The following TTC7A variants were observed in gnomAD, a reference collection of about 807,000 sequenced individuals.
TTC7A encodes tetratricopeptide repeat protein 7A.
In TTC7A, 110 loss-of-function variants were observed where a neutral mutation model predicts 103.7. The ratio of observed to expected loss-of-function variants is 1.06; its 90% CI spans 0.91 to 1.24. The LOEUF (loss-of-function observed/expected upper bound fraction) is 1.24. Among genes scored for constraint, TTC7A ranks in the 50% most tolerant of loss-of-function variants. The pLI is 0.00. For missense variants in TTC7A, 1,340 were observed against 1,116.3 expected, an observed-to-expected ratio of 1.20 and a Z score of -2.86; for synonymous variants, 521 against 467.9, an observed-to-expected ratio of 1.11 and a Z score of -1.47.
intron 2 of TTC7A, among the ~76,000 whole-genome samples, chr2:46,928,459 TAAAAAAAAA>T (rs35897582): frequency 1.5e-4 from 12 of 81,976 alleles, no homozygotes; most frequent in East Asian, 3.9e-4. Flanking sequence ...AAAGGGAAAT[TAAAAAAAAA>T]AAAAAAAAAA....
intron 2 of TTC7A, among the ~76,000 whole-genome samples, chr2:46,922,320 C>T (rs1043814928): frequency 2.0e-5 from 3 of 152,066 alleles, no homozygotes; most frequent in African/African-American, 7.2e-5. Context: ...TTTTTGATGA[C>T]GAGTTCATTT....
intron 12 of TTC7A, among the ~76,000 whole-genome samples, chr2:47,022,451 A>G (rs1679394769): frequency 6.6e-6 from 1 of 152,294 alleles, no homozygotes; most frequent in East Asian, 1.9e-4. Context: ...GCAGGTGCTT[A>G]GTAACTACTT....
intron 19 of TTC7A, among the ~76,000 whole-genome samples, chr2:47,065,075 C>T (rs934324081): frequency 1.3e-5 from 2 of 152,160 alleles, no homozygotes; most frequent in Non-Finnish European, 2.9e-5. Flanking sequence ...ATCACGAGGT[C>T]AGGAGATCGA....
chr2:47,023,306 G>T, intron 12 of TTC7A, 102 bp from the exon 13 acceptor site: 1 of 1,250,606 alleles, frequency 8.0e-7, no homozygotes, highest in East Asian at 2.4e-5. Context: ...GACCCTGGTG[G>T]GGCCTTTATC....
intron 19 of TTC7A, among the ~76,000 whole-genome samples, chr2:47,072,284 T>C (rs569478219): frequency 4.6e-5 from 7 of 152,206 alleles, no homozygotes; most frequent in Admixed American, 1.3e-4. Context: ...CTCATCCGTG[T>C]GTGTGGTTCC....
intron 3 of TTC7A, among the ~76,000 whole-genome samples, chr2:46,965,537 G>A (rs893198914): frequency 1.3e-5 from 2 of 151,638 alleles, no homozygotes; most frequent in Non-Finnish European, 2.9e-5. Context: ...GAGGGGTCTT[G>A]GAATTAATCC....
chr2:47,029,438 A>G (rs1384500800), intron 15 of TTC7A, 54 bp downstream of exon 15: 5 of 1,599,280 alleles, frequency 3.1e-6, no homozygotes, highest in South Asian at 1.1e-5. Context: ...CCTCTGCAGC[A>G]GGCGCCCATG....
At chr2:47,011,306 T>C (rs1678018398) in intron 10 of TTC7A, 25 bp from the exon 11 acceptor site, 1 of 1,605,050 alleles carries the variant, frequency 6.2e-7, no homozygotes, top group Non-Finnish European at 8.5e-7. Context: ...TGAGTGACAG[T>C]GTTTCCTGCT....
intron 4 of TTC7A, among the ~76,000 whole-genome samples, chr2:46,976,682 GC>G (rs1380498190): frequency 1.3e-5 from 2 of 152,106 alleles, no homozygotes; most frequent in African/African-American, 2.4e-5. Flanking sequence ...AGGGCGGGGG[GC>G]TGCCGTGTAT....
chr2:47,005,833 G>A (rs867991370), intron 8 of TTC7A, 89 bp from the exon 9 acceptor site: 96 of 1,474,160 alleles, frequency 6.5e-5, no homozygotes, highest in African/African-American at 3.5e-4. Context: ...AGGTGATAGC[G>A]GCTGGGCCAG....
At chr2:47,065,054 G>T (rs1457747065) in intron 19 of TTC7A, among the ~76,000 whole-genome samples, 1 of 152,162 alleles carries the variant, frequency 6.6e-6, no homozygotes, top group Non-Finnish European at 1.5e-5. Flanking sequence ...TTGGGAGGCC[G>T]AGGCGGGCGG....
chr2:47,066,519 G>C (rs76774541), intron 19 of TTC7A, among the ~76,000 whole-genome samples: 19,100 of 152,046 alleles, frequency 0.13, 2,203 homozygotes, highest in East Asian at 0.61. Context: ...GCCACACAGA[G>C]CTTCACCCAT....
intron 8 of TTC7A, among the ~76,000 whole-genome samples, chr2:46,998,526 C>T (rs1015560585): frequency 6.6e-6 from 1 of 152,218 alleles, no homozygotes; most frequent in South Asian, 2.1e-4. Context: ...TTCCTCATCC[C>T]GCTTTGATGT....
chr2:46,950,718 G>A (rs963272920), intron 2 of TTC7A, among the ~76,000 whole-genome samples, 192 bp downstream of exon 2: 1 of 152,206 alleles, frequency 6.6e-6, no homozygotes, highest in African/African-American at 2.4e-5. Context: ...ACATTGAGAT[G>A]TGCTGTAAGT....
chr2:47,046,128 G>C lies in TTC7A; in HGVS notation c.1803-187G>C, dbSNP rs145188014. On this transcript the variant is annotated intron_variant, in intron 15 of 19. Transcript: ENST00000319190. ...GCTTCATGCTTTGGCAGCAAAGATG[G>C]GGAGAAACTGAGGCACACAGAGAAA... Among the ~76,000 whole-genome samples, 751 of 152,364 alleles carry C rather than the reference G, an allele frequency of 4.9e-3. 4 individuals carry two copies. Among genetic ancestry groups the C allele is most frequent in the Non-Finnish European group, 7.8e-3 (534 of 68,030 alleles).
At chr2:46,922,027 G>A (rs1237958525) in intron 2 of TTC7A, among the ~76,000 whole-genome samples, 1 of 152,188 alleles carries the variant, frequency 6.6e-6, no homozygotes, top group Admixed American at 6.5e-5. Flanking sequence ...TACTGGGAAC[G>A]ATAAGTTTTT....
intron 8 of TTC7A, among the ~76,000 whole-genome samples, chr2:47,004,535 G>A (rs10779934): frequency 0.65 from 99,124 of 151,912 alleles, 32,649 homozygotes; most frequent in East Asian, 0.76. Flanking sequence ...CTTTTTATTC[G>A]GTTAGGAAGG....
At chr2:47,057,061 G>A (rs965370333) in intron 18 of TTC7A, among the ~76,000 whole-genome samples, 2 of 152,246 alleles carry the variant, frequency 1.3e-5, no homozygotes, top group African/African-American at 2.4e-5. Flanking sequence ...AGGGCCGTGG[G>A]TGGATGCGGC....
chr2:47,065,918 G>C (rs1011158216), intron 19 of TTC7A: 4 of 152,216 alleles, frequency 2.6e-5, no homozygotes, highest in Non-Finnish European at 5.9e-5. Context: ...CTCTGGAGAG[G>C]AGGAGTTTCC....
Sources: allele counts gnomAD v4.1 joint callset (sites outside exome capture counted in the v4.1 genomes callset), GRCh38; gene constraint gnomAD v4.1.1; transcripts MANE v1.5; gene names NCBI Gene and HGNC (gene_info 2026-07-23, HGNC 2026-07-21).